Variants in UNC5A observed in about 807,000 individuals in gnomAD.
The protein encoded by UNC5A is unc-5 netrin receptor A, also known as netrin receptor UNC5A.
Under a neutral mutation model 87.4 loss-of-function variants are expected in UNC5A, and 20 were observed. The ratio of observed to expected loss-of-function variants is 0.23; its 90% confidence interval spans 0.16 to 0.33. The LOEUF (loss-of-function observed/expected upper bound fraction) is 0.33, where lower values mean the gene tolerates loss of function less well. Among genes scored for constraint, UNC5A ranks in the 10% least tolerant of loss-of-function variants. The probability of loss-of-function intolerance (pLI) is 1.00; values close to 1 mark genes in which losing one functional copy is unlikely to be tolerated. For synonymous variants in UNC5A, 438 were observed against 482.3 expected (o/e 0.91, Z 1.20); for missense variants, 844 against 1,133.4 (o/e 0.74, Z 3.67).
chr5:176,862,721 C>T lies in UNC5A; in HGVS notation c.168C>T (p.Val56=). ...TGGAGCCCGAGGATGTGTACATCGT[C>T]AAGAACAAGCCAGTGCTGCTTGTGT... The part of the protein sequence containing the change: ...FLVEPEDVYI[V]KNKPVLLVCK... Residue 56 remains valine (V), a synonymous_variant, in exon 2 of 15, where the codon GTC becomes GTT. Coordinates refer to ENST00000329542, the MANE Select transcript of UNC5A (RefSeq NM_133369.3). 6.2e-7 allele frequency: 1 copy of T among 1,613,530 alleles called. No individual in the cohort carries two copies. Among genetic ancestry groups the T allele is most frequent in the Middle Eastern group, 1.6e-4 (1 of 6,062 alleles).
chr5:176,860,977 G>A (rs1046394797), intron 1 of UNC5A, among the ~76,000 whole-genome samples: 2 of 152,070 alleles, frequency 1.3e-5, no homozygotes, highest in African/African-American at 4.8e-5. Flanking sequence ...ACCCAGCAGC[G>A]GACAAACTGT....
At chr5:176,878,789 G>A in intron 13 of UNC5A, 150 bp downstream of exon 13, 1 of 1,087,752 alleles carries the variant, frequency 9.2e-7, no homozygotes, top group Admixed American at 2.7e-5. Flanking sequence ...CCCCTTGGCA[G>A]CTTCCTCCCA....
At chr5:176,870,197 G>A (rs1376186710) in intron 5 of UNC5A, among the ~76,000 whole-genome samples, 173 bp from the exon 6 acceptor site, 2 of 152,198 alleles carry the variant, frequency 1.3e-5, no homozygotes, top group East Asian at 1.9e-4. Flanking sequence ...GCGTCATCAA[G>A]GCCAGCTGGA....
chr5:176,856,019 G>A (rs186167736), intron 1 of UNC5A, among the ~76,000 whole-genome samples: 2,857 of 152,288 alleles, frequency 0.019, 45 homozygotes, highest in South Asian at 0.045. Context: ...AAGGAATGGC[G>A]GCAGCCGCCC....
rs552805549 is a variant in UNC5A, at chr5:176,812,746, G to C, written c.70+1926G>C. On this transcript the variant is annotated intron_variant, in intron 1 of 14. Coordinates refer to ENST00000329542, the MANE Select transcript of UNC5A (RefSeq NM_133369.3). ...TGCTGCAGGGGCTGACGCAGAGCCT[G>C]CCCCAAGGCATCAACTCTGCCCCTG... is the stretch of plus-strand genomic sequence containing the variant. Among the ~76,000 whole-genome samples, 46 of 152,282 alleles carry C rather than the reference G, an allele frequency of 3.0e-4. 1 individual carries two copies. The South Asian group carries it at 8.5e-3, about 28-fold the overall frequency.
rs1172834570 is a variant in UNC5A, at chr5:176,824,134, AG to A, written c.70+13316del. Among the ~76,000 whole-genome samples, 2 of 152,216 alleles carry A rather than the reference AG, an allele frequency of 1.3e-5. No homozygotes were observed. Among genetic ancestry groups the A allele is most frequent in the Admixed American group, 1.3e-4 (2 of 15,290 alleles). On this transcript the variant is annotated intron_variant, in intron 1 of 14. Coordinates refer to ENST00000329542, the MANE Select transcript of UNC5A (RefSeq NM_133369.3). The surrounding 1 kb of genome is among the most constrained non-coding windows in gnomAD (Gnocchi z 4.2). ...CAGGGCTTCTCCCGCCTGGAGGCGG[AG>A]GTGCGGCCCCGATGCCTCCCGGGTT...
intron 1 of UNC5A, among the ~76,000 whole-genome samples, chr5:176,811,263 C>G (rs1756445613): frequency 6.6e-6 from 1 of 152,218 alleles, no homozygotes; most frequent in African/African-American, 2.4e-5. Context: ...CCCTAAACAG[C>G]CACTCACAAT....
At chr5:176,862,965 G>T in intron 2 of UNC5A, 120 bp downstream of exon 2, 1 of 1,163,578 alleles carries the variant, frequency 8.6e-7, no homozygotes. Context: ...CTTCCCCAGA[G>T]GCCACAACCC....
At position 176,865,864 on chromosome 5, in the gene UNC5A, G is replaced by C. The variant is rs1261843989; in HGVS notation, c.293-2266G>C. ...CCTCACCCAGAAGGCCAGGGGGCAG[G>C]GACCAAGGCCTGAAGTGCTGGAACC... On this transcript the variant is annotated intron_variant, in intron 2 of 14. Transcript: ENST00000329542. The surrounding 1 kb of genome is among the most constrained non-coding windows in gnomAD (Gnocchi z 5.3). 2.8e-6 allele frequency: 1 copy of C among 351,488 alleles called. No individual in the cohort carries two copies. The highest frequency in any genetic ancestry group is 5.7e-6 in the Non-Finnish European group (1 of 176,596). 21.8% of individuals were successfully genotyped at this position (351,488 alleles called of 1,614,324 possible). A position where few individuals can be genotyped will look rare whatever the true frequency, so the allele number is the denominator to read the frequency against.
At chr5:176,815,634 C>T (rs1756568740) in intron 1 of UNC5A, among the ~76,000 whole-genome samples, 1 of 152,244 alleles carries the variant, frequency 6.6e-6, no homozygotes, top group Admixed American at 6.5e-5. Flanking sequence ...TCTCCTTCCT[C>T]TGTGTTCCTT....
At chr5:176,832,647 G>A (rs1757057835) in intron 1 of UNC5A, among the ~76,000 whole-genome samples, 1 of 152,166 alleles carries the variant, frequency 6.6e-6, no homozygotes, top group Non-Finnish European at 1.5e-5. Flanking sequence ...AAGCTAAGTT[G>A]GGTCCACCTT....
At chr5:176,818,959 G>C (rs570893932) in intron 1 of UNC5A, among the ~76,000 whole-genome samples, 4 of 152,196 alleles carry the variant, frequency 2.6e-5, no homozygotes, top group African/African-American at 4.8e-5. Context: ...GGACTTGCCC[G>C]GGCCACACTT....
chr5:176,864,338 G>A (rs1404763629), intron 2 of UNC5A, among the ~76,000 whole-genome samples: 3 of 152,178 alleles, frequency 2.0e-5, no homozygotes, highest in African/African-American at 7.2e-5. Context: ...TGCGCTAAGG[G>A]GCCCCTGGAG....
chr5:176,879,101 T>C (rs1309487679), intron 13 of UNC5A, among the ~76,000 whole-genome samples: 3 of 152,086 alleles, frequency 2.0e-5, no homozygotes, highest in Admixed American at 2.0e-4. Context: ...AGGGCTCCTC[T>C]GCTCTCTGGC....
At chr5:176,878,957 GA>G (rs1253508465) in intron 13 of UNC5A, among the ~76,000 whole-genome samples, 1 of 152,212 alleles carries the variant, frequency 6.6e-6, no homozygotes, top group Non-Finnish European at 1.5e-5. Context: ...GCATTAAGGG[GA>G]AGAGCATTTC....
intron 14 of UNC5A, 59 bp from the exon 15 acceptor site, chr5:176,879,662 G>C: frequency 1.9e-6 from 3 of 1,594,210 alleles, no homozygotes; most frequent in Admixed American, 1.7e-5. Context: ...GGCCAGGGGG[G>C]GCAGGAGGTG....
At chr5:176,870,700 C>T (rs1758088744) in intron 6 of UNC5A, 166 bp downstream of exon 6, 4 of 742,244 alleles carry the variant, frequency 5.4e-6, no homozygotes, top group Admixed American at 3.3e-5. Context: ...TGCACATGGG[C>T]CCAGGCGCGC....
chr5:176,869,214 G>A lies in UNC5A; in HGVS notation c.721+250G>A, dbSNP rs1758050856. On this transcript the variant is annotated intron_variant, in intron 5 of 14. Transcript: ENST00000329542. The surrounding 1 kb of genome is among the most constrained non-coding windows in gnomAD (Gnocchi z 9.1). The stretch of plus-strand genomic sequence containing the variant: ...ATTGTGCAGAAGGAGATGAGGGACA[G>A]GATGGGAATCTAGGAAAGGTGACAG... Among the ~76,000 whole-genome samples, 1 of 152,292 alleles carries A rather than the reference G, an allele frequency of 6.6e-6. No individual in the cohort carries two copies. The highest frequency in any genetic ancestry group is 2.4e-5 in the African/African-American group (1 of 41,564).
In UNC5A at chr5:176,836,505, G is replaced by C. The variant is rs574804028; in HGVS notation, c.70+25685G>C. On this transcript the variant is annotated intron_variant, in intron 1 of 14. Coordinates refer to ENST00000329542, the MANE Select transcript of UNC5A (RefSeq NM_133369.3). ...TGAGATCTCACAGAGACGACAGTGT[G>C]TAGGCACCTGTAAAGTTCAGTGCCA... is the stretch of plus-strand genomic sequence containing the variant. 2.8e-4 allele frequency among the ~76,000 whole-genome samples: 42 copies of C among 152,306 alleles called. 2 individuals are homozygous for C. The South Asian group carries it at 8.5e-3, about 31-fold the overall frequency.
Sources: gnomAD v4.1 joint callset for allele counts (sites outside exome capture counted in the v4.1 genomes callset) on GRCh38, gnomAD v4.1.1 for gene constraint, Gnocchi (gnomAD v3.1) non-coding constraint, MANE v1.5 for transcripts, NCBI Gene and HGNC (gene_info 2026-07-23, HGNC 2026-07-21) for gene names.